Variants in FOXO1 observed in about 807,000 individuals in gnomAD.
The protein encoded by FOXO1 is forkhead box O1, also known as forkhead box protein O1.
A neutral mutation model predicts 44.1 loss-of-function variants in FOXO1; 6 were observed. The observed-to-expected ratio is 0.14, with a 90% CI of 0.07 to 0.27. The LOEUF (loss-of-function observed/expected upper bound fraction) is 0.27, where lower values mean the gene tolerates loss of function less well. Among genes scored for constraint, FOXO1 ranks in the 10% least tolerant of loss-of-function variants. FOXO1 has a pLI of 1.00. For synonymous variants in FOXO1, 380 were observed against 362.7 expected (o/e 1.05, Z -0.54); for missense variants, 737 against 888.8 (o/e 0.83, Z 2.17).
At chr13:40,631,684 T>C (rs1876966794) in intron 1 of FOXO1, among the ~76,000 whole-genome samples, 1 of 152,152 alleles carries the variant, frequency 6.6e-6, no homozygotes, top group African/African-American at 2.4e-5. Context: ...AAAATAGGAT[T>C]CCACTCCTAT....
Position 40,665,861 on chromosome 13 carries a change from G to C in FOXO1, c.352C>G (p.Leu118Val). The change falls in exon 1 of 3, where the codon CTG becomes GTG. Residue 118 changes from leucine to valine, a missense_variant. By Grantham distance (32) the Leu-to-Val change is conservative (BLOSUM62 1). Coordinates refer to ENST00000379561, the MANE Select transcript of FOXO1 (RefSeq NM_002015.4). ...GDFQGPEAGC[L>V]HPAPPQPPPP... The stretch of plus-strand genomic sequence containing the variant: ...GGGGGCTGCGGTGGCGCTGGGTGCA[G>C]GCAGCCCGCCTCCGGGCCCTGGAAG... The C allele has an allele frequency of 8.9e-7, 1 of 1,129,702 alleles. No individual in the cohort carries two copies. The highest frequency in any genetic ancestry group is 1.1e-6 in the Non-Finnish European group (1 of 924,664). 70.0% of individuals were successfully genotyped at this position (1,129,702 alleles called of 1,614,324 possible). A position where few individuals can be genotyped will look rare whatever the true frequency, so the allele number is the denominator to read the frequency against.
At chr13:40,568,745 C>T (rs1172376058) in intron 1 of FOXO1, among the ~76,000 whole-genome samples, 1 of 152,062 alleles carries the variant, frequency 6.6e-6, no homozygotes, top group Non-Finnish European at 1.5e-5. Flanking sequence ...GACCACTATA[C>T]CCCCCACTGC....
At position 40,555,994 on chromosome 13, in the gene FOXO1, G is replaced by C. The variant is rs550595286; in HGVS notation, c.*3055C>G. On this transcript the variant is annotated 3_prime_UTR_variant, in exon 3 of 3. Coordinates refer to ENST00000379561, the MANE Select transcript of FOXO1 (RefSeq NM_002015.4). ...CCAGGCTGTGCCCACCTCAAGGAGA[G>C]GCCAACTGTAATGCCAGGTTGGTCT... 1.3e-5 allele frequency: 2 copies of C among 152,388 alleles called. No individual in the cohort carries two copies. The highest frequency in any genetic ancestry group is 4.8e-5 in the African/African-American group (2 of 41,454). 9.4% of individuals were successfully genotyped at this position (152,388 alleles called of 1,614,324 possible). A position where few individuals can be genotyped will look rare whatever the true frequency, so the allele number is the denominator to read the frequency against.
chr13:40,559,485 CT>C (rs1566060286), intron 2 of FOXO1, 23 bp downstream of exon 2: 2 of 1,523,956 alleles, frequency 1.3e-6, no homozygotes, highest in Non-Finnish European at 1.8e-6. Context: ...TTCAAAAGGT[CT>C]TTTGATATTG....
At chr13:40,587,995 AT>A (rs1177313050) in intron 1 of FOXO1, among the ~76,000 whole-genome samples, 2 of 152,164 alleles carry the variant, frequency 1.3e-5, no homozygotes, top group East Asian at 3.9e-4. Flanking sequence ...CACTTTTCAA[AT>A]TGCATAACAC....
In FOXO1 at chr13:40,560,916, C is replaced by A. The variant is rs915396166; in HGVS notation, c.631-56G>T. The A allele has an allele frequency of 2.7e-6, 4 of 1,501,430 alleles. No homozygotes were observed. The Admixed American group carries it at 8.4e-5, about 32-fold the overall frequency. 93.0% of individuals were successfully genotyped at this position (1,501,430 alleles called of 1,614,324 possible). A position where few individuals can be genotyped will look rare whatever the true frequency, so the allele number is the denominator to read the frequency against. On this transcript the variant is annotated intron_variant, in intron 1 of 2. Transcript: ENST00000379561. The surrounding 1 kb of genome is among the most constrained non-coding windows in gnomAD (Gnocchi z 5.1). Reference sequence around the variant, plus strand: ...AATACTTCTCTGCTTGCAAAACTTCCTATTCTACATGTATTACATGGAAAA... The same window carrying A: ...AATACTTCTCTGCTTGCAAAACTTCATATTCTACATGTATTACATGGAAAA...
At chr13:40,575,512 AT>A (rs1874711541) in intron 1 of FOXO1, among the ~76,000 whole-genome samples, 3 of 152,170 alleles carry the variant, frequency 2.0e-5, no homozygotes, top group East Asian at 3.8e-4. Context: ...CCAAAGATCA[AT>A]TTTTATCTTC....
intron 1 of FOXO1, among the ~76,000 whole-genome samples, chr13:40,585,343 GCACA>G (rs1555248752): frequency 1.9e-4 from 28 of 147,106 alleles, no homozygotes; most frequent in South Asian, 4.4e-4. Context: ...CTGCGCGCGC[GCACA>G]CACACACACA....
Position 40,665,800 on chromosome 13 carries a change from G to A in FOXO1, c.413C>T (p.Pro138Leu), listed in dbSNP as rs923564490. 1.2e-5 allele frequency: 15 copies of A among 1,235,252 alleles called. No individual in the cohort carries two copies. In the Admixed American group the frequency reaches 4.3e-4, roughly 35 times the overall value. 76.5% of individuals were successfully genotyped at this position (1,235,252 alleles called of 1,614,324 possible). A position where few individuals can be genotyped will look rare whatever the true frequency, so the allele number is the denominator to read the frequency against. Residue 138 changes from proline to leucine, a missense_variant, in exon 1 of 3, where the codon CCC becomes CTC. Transcript: ENST00000379561. ...PGPLSQHPPVPPAAAGPLAGQ... is the reference protein window; with the variant it reads ...PGPLSQHPPVLPAAAGPLAGQ... ...CGCGAGCGGCCCAGCGGCGGCGGGG[G>A]GCACCGGCGGGTGCTGCGACAGCGG...
At chr13:40,576,173 T>C (rs1304294499) in intron 1 of FOXO1, among the ~76,000 whole-genome samples, 1 of 152,162 alleles carries the variant, frequency 6.6e-6, no homozygotes, top group African/African-American at 2.4e-5. Context: ...TAGTAAGGTA[T>C]GTCTGGAGAA....
chr13:40,591,745 A>C (rs1875381274), intron 1 of FOXO1, among the ~76,000 whole-genome samples: 1 of 152,216 alleles, frequency 6.6e-6, no homozygotes, highest in African/African-American at 2.4e-5. Flanking sequence ...TCTATCGCCC[A>C]GGCTAGAGTG....
intron 1 of FOXO1, among the ~76,000 whole-genome samples, chr13:40,659,104 T>C (rs1018780215): frequency 6.6e-6 from 1 of 151,678 alleles, no homozygotes; most frequent in African/African-American, 2.4e-5. Context: ...ATCACGAGGT[T>C]AGGAGTTCGA....
chr13:40,624,317 T>TA lies in FOXO1; in HGVS notation c.630+41265dup, dbSNP rs10552634. Reference sequence around the variant, plus strand: ...AAAGCTCTTAAAAACTAATACTGCTTAAAAAAAAAAAAAAAAAAAAAAGAT... The same window carrying TA: ...AAAGCTCTTAAAAACTAATACTGCTTAAAAAAAAAAAAAAAAAAAAAAAGAT... On this transcript the variant is annotated intron_variant, in intron 1 of 2. Coordinates refer to ENST00000379561, the MANE Select transcript of FOXO1 (RefSeq NM_002015.4). Among the ~76,000 whole-genome samples the TA allele has an allele frequency of 1.0e-2, 1,004 of 100,900 alleles. 16 individuals carry two copies. Among genetic ancestry groups the TA allele is most frequent in the African/African-American group, 0.025 (750 of 29,464 alleles). The allele number at this position is 100,900 out of a possible 152,430, so 66.2% of individuals were successfully genotyped here. A position where few individuals can be genotyped will look rare whatever the true frequency, so the allele number is the denominator to read the frequency against.
At chr13:40,662,277 C>G (rs1038421968) in intron 1 of FOXO1, among the ~76,000 whole-genome samples, 2 of 149,916 alleles carry the variant, frequency 1.3e-5, no homozygotes, top group Non-Finnish European at 3.0e-5. Context: ...GTGGTATAGT[C>G]AAAGTCATTC....
chr13:40,572,045 G>A (rs926387261), intron 1 of FOXO1, among the ~76,000 whole-genome samples: 7 of 152,204 alleles, frequency 4.6e-5, no homozygotes, highest in Admixed American at 6.5e-5. Context: ...TTACATTGAT[G>A]AGCCTGTTAA....
intron 1 of FOXO1, among the ~76,000 whole-genome samples, chr13:40,604,044 G>A (rs114749623): frequency 8.0e-4 from 122 of 152,266 alleles, no homozygotes; most frequent in African/African-American, 2.9e-3. Flanking sequence ...GCAGATGATG[G>A]TGTCGCCACA....
At chr13:40,633,144 T>C (rs1477833575) in intron 1 of FOXO1, among the ~76,000 whole-genome samples, 1 of 152,256 alleles carries the variant, frequency 6.6e-6, no homozygotes, top group Non-Finnish European at 1.5e-5. Flanking sequence ...AGAATACTCA[T>C]ACCTTTCATG....
intron 1 of FOXO1, among the ~76,000 whole-genome samples, chr13:40,600,037 C>T (rs1307831653): frequency 6.6e-6 from 1 of 152,204 alleles, no homozygotes; most frequent in Non-Finnish European, 1.5e-5. Context: ...ACTCCATGCT[C>T]TACTGTGGAG....
chr13:40,629,748 T>A (rs1876900729), intron 1 of FOXO1, among the ~76,000 whole-genome samples: 1 of 152,196 alleles, frequency 6.6e-6, no homozygotes, highest in South Asian at 2.1e-4. Context: ...ATAAGACCCA[T>A]CCACCAATGG....
Sources: gnomAD v4.1 joint callset for allele counts (sites outside exome capture counted in the v4.1 genomes callset) on GRCh38, gnomAD v4.1.1 for gene constraint, Gnocchi (gnomAD v3.1) non-coding constraint, MANE v1.5 for transcripts, NCBI Gene and HGNC (gene_info 2026-07-23, HGNC 2026-07-21) for gene names.